LRP1B: variants seen among roughly 807,000 people sequenced by gnomAD.
LRP1B encodes LDL receptor related protein 1B.
A neutral mutation model predicts 556.6 loss-of-function variants in LRP1B; 217 were observed. The ratio of observed to expected loss-of-function variants is 0.39; its 90% CI spans 0.35 to 0.44. LRP1B has a LOEUF of 0.44. Among genes scored for constraint, LRP1B ranks in the 20% least tolerant of loss-of-function variants. LRP1B has a pLI of 1.00. For missense variants in LRP1B, 5,053 were observed against 5,620.8 expected (o/e 0.90, Z 3.23); for synonymous variants, 2,047 against 1,865.8 (o/e 1.10, Z -2.50).
chr2:140,346,653 GCA>G (rs145714959), intron 77 of LRP1B, among the ~76,000 whole-genome samples: 3 of 151,420 alleles, frequency 2.0e-5, no homozygotes, highest in Non-Finnish European at 3.0e-5. Flanking sequence ...AAGTGTTTTT[GCA>G]CACACACACA....
chr2:141,931,604 A>G (rs1207779966), intron 1 of LRP1B, among the ~76,000 whole-genome samples: 2 of 152,034 alleles, frequency 1.3e-5, no homozygotes, highest in Non-Finnish European at 2.9e-5. Context: ...ATGGCTAAAA[A>G]TGTCTTATTA....
At chr2:141,074,407 A>C (rs952446539) in intron 7 of LRP1B, among the ~76,000 whole-genome samples, 3 of 151,882 alleles carry the variant, frequency 2.0e-5, no homozygotes, top group African/African-American at 7.3e-5. Flanking sequence ...ACTGTTTCTT[A>C]TTTTACTTGC....
intron 2 of LRP1B, among the ~76,000 whole-genome samples, chr2:141,802,927 G>A (rs1696054814): frequency 1.3e-5 from 2 of 152,054 alleles, no homozygotes; most frequent in Non-Finnish European, 2.9e-5. Context: ...CTGCAAGATC[G>A]TTTGTTTACA....
At chr2:141,022,490 C>G (rs1329418783) in intron 11 of LRP1B, among the ~76,000 whole-genome samples, 1 of 151,954 alleles carries the variant, frequency 6.6e-6, no homozygotes, top group East Asian at 1.9e-4. Flanking sequence ...GGGAAGCATT[C>G]TGCTTCCACA....
chr2:141,346,562 G>A (rs1688264500), intron 3 of LRP1B, among the ~76,000 whole-genome samples: 1 of 152,152 alleles, frequency 6.6e-6, no homozygotes, highest in Admixed American at 6.6e-5. Context: ...TACTCTCCCT[G>A]TTTCAACATG....
intron 3 of LRP1B, among the ~76,000 whole-genome samples, chr2:141,346,407 C>A (rs1239928230): frequency 6.6e-6 from 1 of 152,056 alleles, no homozygotes; most frequent in African/African-American, 2.4e-5. Flanking sequence ...ACTTTAGATC[C>A]TCTCCTGGGC....
chr2:141,903,495 C>T (rs964530146), intron 1 of LRP1B, among the ~76,000 whole-genome samples: 1 of 151,756 alleles, frequency 6.6e-6, no homozygotes, highest in Non-Finnish European at 1.5e-5. Flanking sequence ...TTTTTGGAGC[C>T]TCTTTGGTAT....
chr2:141,918,042 T>C (rs181224804), intron 1 of LRP1B, among the ~76,000 whole-genome samples: 160 of 152,212 alleles, frequency 1.1e-3, no homozygotes, highest in Non-Finnish European at 1.9e-3. Context: ...CATGTTATTT[T>C]ATAAATGAAA....
intron 18 of LRP1B, among the ~76,000 whole-genome samples, chr2:140,963,963 G>C (rs1696117153): frequency 6.6e-6 from 1 of 152,084 alleles, no homozygotes; most frequent in Admixed American, 6.5e-5. Flanking sequence ...CTGGGCCCAG[G>C]GGACCACTAC....
At chr2:141,967,715 A>G (rs563086770) in intron 1 of LRP1B, among the ~76,000 whole-genome samples, 251 of 151,982 alleles carry the variant, frequency 1.7e-3, no homozygotes, top group Non-Finnish European at 1.6e-3. Flanking sequence ...TTTTAATAGT[A>G]ATTTATAACA....
rs377677860 is a variant in LRP1B at position 140,883,909 on chromosome 2, G to A, written c.4077C>T (p.Ile1359=). 9.5e-5 allele frequency: 154 copies of A among 1,613,634 alleles called. No individual in the cohort carries two copies. Among genetic ancestry groups the A allele is most frequent in the Non-Finnish European group, 1.2e-4 (136 of 1,179,918 alleles). ...GGGAGCCATCTAGTTTGGCCACTTCGATTTGGTCCAGATTGCTGTCTATCC... is the reference window on the plus strand; with the variant it reads ...GGGAGCCATCTAGTTTGGCCACTTCAATTTGGTCCAGATTGCTGTCTATCC... The part of the protein sequence containing the change: ...IYWIDSNLDQ[I]EVAKLDGSLR... The change falls in exon 25 of 91, where the codon ATC becomes ATT. Residue 1359 remains isoleucine, a synonymous_variant. Coordinates refer to ENST00000389484, the MANE Select transcript of LRP1B (RefSeq NM_018557.3).
At chr2:140,441,898 C>G (rs1686441498) in intron 66 of LRP1B, among the ~76,000 whole-genome samples, 1 of 152,060 alleles carries the variant, frequency 6.6e-6, no homozygotes, top group Admixed American at 6.6e-5. Context: ...AACATAGAAT[C>G]AAATACATTA....
intron 18 of LRP1B, among the ~76,000 whole-genome samples, chr2:140,965,887 T>TC (rs1335225108): frequency 7.6e-5 from 5 of 65,682 alleles, no homozygotes; most frequent in East Asian, 4.4e-4. Context: ...CATGAACTCA[T>TC]CCTTTTTTTA....
chr2:141,302,607 G>A (rs1434694319), intron 3 of LRP1B, among the ~76,000 whole-genome samples: 1 of 151,792 alleles, frequency 6.6e-6, no homozygotes, highest in Non-Finnish European at 1.5e-5. Context: ...CTAACTAACT[G>A]TACTATACAT....
intron 20 of LRP1B, among the ~76,000 whole-genome samples, chr2:140,936,855 C>A (rs2105280288): frequency 6.6e-6 from 1 of 152,124 alleles, no homozygotes; most frequent in East Asian, 1.9e-4. Context: ...TAGGTTGGTA[C>A]AAAAGTAATT....
chr2:141,716,056 T>C (rs1453846294), intron 2 of LRP1B, among the ~76,000 whole-genome samples: 1 of 152,156 alleles, frequency 6.6e-6, no homozygotes, highest in Non-Finnish European at 1.5e-5. Flanking sequence ...CAGCTAGAAT[T>C]ATATATGGAC....
At chr2:140,420,040 T>C (rs1261574847) in intron 66 of LRP1B, among the ~76,000 whole-genome samples, 1 of 147,062 alleles carries the variant, frequency 6.8e-6, no homozygotes, top group Admixed American at 6.7e-5. Flanking sequence ...AAAGGAAAGT[T>C]AGAAAGTAGT....
Position 141,247,449 on chromosome 2 carries a change from G to A in LRP1B, c.464-95C>T, listed in dbSNP as rs191877924. 3.3e-4 allele frequency: 478 copies of A among 1,435,872 alleles called. 4 individuals carry two copies. The African/African-American group carries it at 5.7e-3, about 17-fold the overall frequency. The allele number at this position is 1,435,872 out of a possible 1,614,324, so 88.9% of individuals were successfully genotyped here. The stretch of plus-strand genomic sequence containing the variant: ...ATATTATTTTTGAACTTCGGAAATA[G>A]ACTATTAAGGAAAAGCCAATTCCAA... On this transcript the variant is annotated intron_variant, in intron 4 of 90. Coordinates refer to ENST00000389484, the MANE Select transcript of LRP1B (RefSeq NM_018557.3).
At position 140,492,621 on chromosome 2, in the gene LRP1B, G is replaced by A. The variant is rs757186045; in HGVS notation, c.9107C>T (p.Thr3036Ile). The A allele has an allele frequency of 3.7e-5, 60 of 1,612,528 alleles. No homozygotes were observed. The highest frequency in any genetic ancestry group is 6.7e-5 in the Admixed American group (4 of 59,990). The change falls in exon 57 of 91, where the codon ACA becomes ATA. Residue 3036 changes from threonine (T) to isoleucine (I), a missense_variant. By Grantham distance (89) the Thr-to-Ile change is moderately conservative (BLOSUM62 -1). Around this residue, in one of 5 missense-constraint regions of LRP1B, gnomAD observed 3,619 missense variants for 3,931.9 expected, o/e 0.92. Coordinates refer to ENST00000389484, the MANE Select transcript of LRP1B (RefSeq NM_018557.3). ...GGAGTGTCATACCTGTTTTAAAAGT[G>A]TGTAGTTGGAGCCATCAGTGCTAAT... is the stretch of plus-strand genomic sequence containing the variant. ...RKISTDGSNYTLLKQGLNNVI... is the reference protein window; with the variant it reads ...RKISTDGSNYILLKQGLNNVI...
Sources: gnomAD v4.1 joint callset for allele counts (sites outside exome capture counted in the v4.1 genomes callset) on GRCh38, gnomAD v4.1.1 for gene constraint, gnomAD v4.1.1 regional missense constraint, MANE v1.5 for transcripts, NCBI Gene and HGNC (gene_info 2026-07-23, HGNC 2026-07-21) for gene names.